Variants in ZFP69B observed in about 807,000 individuals in gnomAD.
ZFP69B encodes zinc finger protein 69 homolog B.
A neutral mutation model predicts 19.7 loss-of-function variants in ZFP69B; 20 were observed. The observed-to-expected ratio is 1.02, with a 90% CI of 0.71 to 1.48. ZFP69B has a LOEUF of 1.48. Ranked by LOEUF, ZFP69B falls within the 40% of genes most tolerant of loss-of-function variation. ZFP69B has a pLI of 0.00. For synonymous variants in ZFP69B, 220 were observed against 222.7 expected (o/e 0.99, Z 0.11); for missense variants, 583 against 632.6 (o/e 0.92, Z 0.84).
chr1:40,452,469 A>G (rs375278555), intron 1 of ZFP69B, among the ~76,000 whole-genome samples: 1 of 152,266 alleles, frequency 6.6e-6, no homozygotes, highest in Non-Finnish European at 1.5e-5. Flanking sequence ...TACAGAAAAT[A>G]CAGGGGATGG....
chr1:40,457,321 A>G, intron 3 of ZFP69B, 23 bp from the exon 4 acceptor site: 1 of 1,611,292 alleles, frequency 6.2e-7, no homozygotes, highest in South Asian at 1.1e-5. Context: ...CAGCATATAC[A>G]GTCTTTTCTT....
chr1:40,451,218 G>A, intron 1 of ZFP69B, 130 bp downstream of exon 1: 1 of 1,214,548 alleles, frequency 8.2e-7, no homozygotes, highest in Non-Finnish European at 1.1e-6. Flanking sequence ...TGTTGATTGT[G>A]GCTCCTAGTC....
At position 40,462,418 on chromosome 1, in the gene ZFP69B, C is replaced by T; in HGVS notation, c.437-3C>T. On this transcript the variant is annotated splice_region_variant and splice_polypyrimidine_tract_variant and intron_variant, in intron 4 of 4. Coordinates refer to ENST00000361584, the MANE Select transcript of ZFP69B (RefSeq NM_023070.3). ...GGATCTTTTTTTTTATTATTTCTTTCAGACTTGAAGAGCAAAACAAAAACC... is the reference window on the plus strand; with the variant it reads ...GGATCTTTTTTTTTATTATTTCTTTTAGACTTGAAGAGCAAAACAAAAACC... The T allele has an allele frequency of 1.9e-6, 3 of 1,563,654 alleles. No homozygotes were observed. The highest frequency in any genetic ancestry group is 2.6e-6 in the Non-Finnish European group (3 of 1,162,056).
At chr1:40,451,723 G>T (rs959958315) in intron 1 of ZFP69B, among the ~76,000 whole-genome samples, 1 of 151,946 alleles carries the variant, frequency 6.6e-6, no homozygotes, top group African/African-American at 2.4e-5. Flanking sequence ...TGAAAAATAG[G>T]TTATTATGGG....
In ZFP69B at chr1:40,463,556, A is replaced by G. The variant is rs913836599; in HGVS notation, c.1572A>G (p.Thr524=). The G allele has an allele frequency of 5.0e-6, 8 of 1,610,706 alleles. No homozygotes were observed. The highest frequency in any genetic ancestry group is 1.1e-5 in the South Asian group (1 of 90,602). The change falls in exon 5 of 5, where the codon ACA becomes ACG. Residue 524 remains threonine, a synonymous_variant. Transcript: ENST00000361584. ...CATCCCTTATTAGACACTGCAAAAC[A>G]CATTTAAGAAATACCTTCAGCAATG... ...CSSSLIRHCK[T]HLRNTFSNVV
chr1:40,456,005 A>G (rs1645229486), intron 2 of ZFP69B, among the ~76,000 whole-genome samples: 2 of 152,154 alleles, frequency 1.3e-5, no homozygotes, highest in South Asian at 4.1e-4. Flanking sequence ...CCAGTCTATC[A>G]TTGATGGGCA....
chr1:40,462,614 C>T lies in ZFP69B; in HGVS notation c.630C>T (p.Pro210=), dbSNP rs892231289. 2 of 1,613,850 alleles carry T rather than the reference C, an allele frequency of 1.2e-6. No individual in the cohort carries two copies. The highest frequency in any genetic ancestry group is 1.1e-5 in the South Asian group (1 of 91,022). Residue 210 remains proline, a synonymous_variant, in exon 5 of 5, where the codon CCC becomes CCT. Coordinates refer to ENST00000361584, the MANE Select transcript of ZFP69B (RefSeq NM_023070.3). ...AAAGAATGGGTAAGGGGCAAATCCC[C>T]CTGATGTGCAAGAAAACATTCACTC... is the stretch of plus-strand genomic sequence containing the variant. ...ENQRMGKGQI[P]LMCKKTFTQE... is the part of the protein sequence containing the mutation.
rs76429387 is a variant in ZFP69B at position 40,454,182 on chromosome 1, A to C, written c.128-21A>C. 10,482 of 1,570,840 alleles carry C rather than the reference A, an allele frequency of 6.7e-3. 104 individuals are homozygous for C. The highest frequency in any genetic ancestry group is 0.031 in the South Asian group (2,571 of 82,340). ...GGTGATTTGGGGAGATGCAAACCTC[A>C]TGGCTCTTTTCCTTCCCCAGCTCTG... is the stretch of plus-strand genomic sequence containing the variant. On this transcript the variant is annotated intron_variant, in intron 1 of 4. Transcript: ENST00000361584.
In ZFP69B at chr1:40,450,894, C is replaced by T. The variant is rs554727051; in HGVS notation, c.-68C>T. ...TCCTGTCAGAGCTTCCAGCAATTTC[C>T]TCATCAGAGGTGGACAAGCCCTATG... On this transcript the variant is annotated 5_prime_UTR_variant, in exon 1 of 5. Transcript: ENST00000361584. The T allele has an allele frequency of 1.9e-4, 268 of 1,405,160 alleles. No individual in the cohort carries two copies. The highest frequency in any genetic ancestry group is 2.4e-4 in the Non-Finnish European group (256 of 1,072,384). The allele number at this position is 1,405,160 out of a possible 1,614,324, so 87.0% of individuals were successfully genotyped here. A position where few individuals can be genotyped will look rare whatever the true frequency, so the allele number is the denominator to read the frequency against.
rs575109958 is a variant in ZFP69B at position 40,452,639 on chromosome 1, A to G, written c.127+1551A>G. Among the ~76,000 whole-genome samples, 125 of 152,338 alleles carry G rather than the reference A, an allele frequency of 8.2e-4. 3 individuals are homozygous for G. Among genetic ancestry groups the G allele is most frequent in the Middle Eastern group, 3.4e-3 (1 of 294 alleles). Reference sequence around the variant, plus strand: ...GAGCCTTGATTAACTCCTGGTTTGGAAAAAATCCAGAATAAAAGTTGAGGA... The same window carrying G: ...GAGCCTTGATTAACTCCTGGTTTGGGAAAAATCCAGAATAAAAGTTGAGGA... On this transcript the variant is annotated intron_variant, in intron 1 of 4. Transcript: ENST00000361584.
At chr1:40,457,095 A>G in intron 3 of ZFP69B, 24 bp downstream of exon 3, 2 of 1,583,842 alleles carry the variant, frequency 1.3e-6, no homozygotes, top group Non-Finnish European at 1.7e-6. Context: ...CCTCTTGAAA[A>G]TAGAACGTAC....
In ZFP69B at chr1:40,463,544, A is replaced by G. The variant is rs1473090747; in HGVS notation, c.1560A>G (p.Arg520=). The change falls in exon 5 of 5, where the codon AGA becomes AGG. Residue 520 remains arginine, a synonymous_variant. Transcript: ENST00000361584. The part of the protein sequence containing the change: ...KAFSCSSSLI[R]HCKTHLRNTF... ...TCAGCTGTAGTTCATCCCTTATTAGACACTGCAAAACACATTTAAGAAATA... is the reference window on the plus strand; with the variant it reads ...TCAGCTGTAGTTCATCCCTTATTAGGCACTGCAAAACACATTTAAGAAATA... The G allele has an allele frequency of 6.2e-7, 1 of 1,612,200 alleles. No individual in the cohort carries two copies. The highest frequency in any genetic ancestry group is 8.5e-7 in the Non-Finnish European group (1 of 1,179,242).
chr1:40,462,785 T>C lies in ZFP69B; in HGVS notation c.801T>C (p.Val267=). ...GKRSRYNIDL[V]NHSRSYTKMK... ...GAAGCAGATACAACATAGATTTAGT[T>C]AATCATTCAAGGAGTTATACAAAAA... Residue 267 remains valine, a synonymous_variant, in exon 5 of 5, where the codon GTT becomes GTC. Transcript: ENST00000361584. The C allele has an allele frequency of 6.2e-7, 1 of 1,613,444 alleles. No individual in the cohort carries two copies. The highest frequency in any genetic ancestry group is 8.5e-7 in the Non-Finnish European group (1 of 1,179,808).
chr1:40,462,449 G>C lies in ZFP69B; in HGVS notation c.465G>C (p.Glu155Asp), dbSNP rs1178081916. ...TGAAGAGCAAAACAAAAACCAAAGA[G>C]TCAGCCTTACAGAATGATATTTCGT... ...SDLKSKTKTKESALQNDISWE... is the reference protein window; with the variant it reads ...SDLKSKTKTKDSALQNDISWE... The change falls in exon 5 of 5, where the codon GAG (glutamate) becomes GAC (aspartate). Residue 155 changes from glutamate to aspartate, a missense_variant. Glu to Asp is a conservative substitution (Grantham distance 45). Transcript: ENST00000361584. 2 of 1,598,422 alleles carry C rather than the reference G, an allele frequency of 1.3e-6. No individual in the cohort carries two copies. The highest frequency in any genetic ancestry group is 1.7e-6 in the Non-Finnish European group (2 of 1,175,496).
chr1:40,463,011 A>G lies in ZFP69B; in HGVS notation c.1027A>G (p.Thr343Ala). The G allele has an allele frequency of 1.9e-6, 3 of 1,613,950 alleles. No individual in the cohort carries two copies. The highest frequency in any genetic ancestry group is 2.5e-6 in the Non-Finnish European group (3 of 1,179,990). Residue 343 changes from threonine (T) to alanine (A), a missense_variant, in exon 5 of 5, where the codon ACC becomes GCC. By Grantham distance (58) the Thr-to-Ala change is moderately conservative (BLOSUM62 0). Transcript: ENST00000361584. ...CTATGAATGTAAGGAGTGTGGGAAAACCTTCAGACATCCTTCATCGCTTAC... is the reference window on the plus strand; with the variant it reads ...CTATGAATGTAAGGAGTGTGGGAAAGCCTTCAGACATCCTTCATCGCTTAC... Reference protein sequence around the residue: ...KPYECKECGKTFRHPSSLTQH... With the variant: ...KPYECKECGKAFRHPSSLTQH...
chr1:40,458,039 G>A (rs1043251903), intron 4 of ZFP69B, among the ~76,000 whole-genome samples: 1 of 152,146 alleles, frequency 6.6e-6, no homozygotes, highest in Admixed American at 6.5e-5. Flanking sequence ...ATAATGACAG[G>A]TATTTACCTG....
Position 40,457,324 on chromosome 1 carries a change from CT to C in ZFP69B, c.341-16del. ...GCTCTGTGACCTCAGCATATACAGT[CT>C]TTTCTTCCCCATAAGCAGGATGTCA... On this transcript the variant is annotated intron_variant, in intron 3 of 4. Coordinates refer to ENST00000361584, the MANE Select transcript of ZFP69B (RefSeq NM_023070.3). The C allele has an allele frequency of 6.2e-7, 1 of 1,612,482 alleles. No individual in the cohort carries two copies. The highest frequency in any genetic ancestry group is 8.5e-7 in the Non-Finnish European group (1 of 1,178,594).
At chr1:40,454,181 C>A in intron 1 of ZFP69B, 22 bp from the exon 2 acceptor site, 1 of 1,570,208 alleles carries the variant, frequency 6.4e-7, no homozygotes, top group Non-Finnish European at 8.6e-7. Flanking sequence ...ATGCAAACCT[C>A]ATGGCTCTTT....
Position 40,450,786 on chromosome 1 carries a change from T to C in ZFP69B, c.-176T>C. 1 of 565,182 alleles carries C rather than the reference T, an allele frequency of 1.8e-6. No homozygotes were observed. Among genetic ancestry groups the C allele is most frequent in the Non-Finnish European group, 2.6e-6 (1 of 379,816 alleles). 35.0% of individuals were successfully genotyped at this position (565,182 alleles called of 1,614,324 possible). The stretch of plus-strand genomic sequence containing the variant: ...CACAAGTCCAGATCTCGGATTTTGA[T>C]ACTGTATGTTCCCTGGGTTCCTGAG... On this transcript the variant is annotated 5_prime_UTR_variant, in exon 1 of 5. Coordinates refer to ENST00000361584, the MANE Select transcript of ZFP69B (RefSeq NM_023070.3).
Sources: gnomAD v4.1 joint callset for allele counts (sites outside exome capture counted in the v4.1 genomes callset) on GRCh38, gnomAD v4.1.1 for gene constraint, MANE v1.5 for transcripts, NCBI Gene and HGNC (gene_info 2026-07-23, HGNC 2026-07-21) for gene names.